AKAP12: variants seen among roughly 807,000 people sequenced by gnomAD.
AKAP12 encodes the protein A-kinase anchoring protein 12.
AKAP12 carries 32 observed loss-of-function variants against 79.9 expected under a neutral mutation model. The observed-to-expected ratio is 0.40, with a 90% confidence interval of 0.30 to 0.54. AKAP12 has a LOEUF of 0.54. Ranked by LOEUF, AKAP12 falls within the 20% of genes least tolerant of loss-of-function variation. The pLI, the probability that AKAP12 is intolerant of heterozygous loss-of-function variation, is 0.48. For missense variants in AKAP12, 2,074 were observed against 2,177.0 expected (o/e 0.95, Z 0.94); for synonymous variants, 808 against 857.0 (o/e 0.94, Z 1.00).
intron 2 of AKAP12, among the ~76,000 whole-genome samples, chr6:151,286,113 G>C (rs138132464): frequency 7.0e-4 from 107 of 152,212 alleles, no homozygotes; most frequent in South Asian, 1.5e-3. Flanking sequence ...CCTGGCCTCA[G>C]GTGATCCACC....
intron 3 of AKAP12, chr6:151,325,228 G>A: frequency 1.0e-6 from 1 of 985,390 alleles, no homozygotes; most frequent in African/African-American, 1.7e-5. Context: ...CAAGAAGGGA[G>A]GTGTTGGCAC....
At chr6:151,281,775 TC>T (rs1776412038) in intron 2 of AKAP12, among the ~76,000 whole-genome samples, 3 of 150,384 alleles carry the variant, frequency 2.0e-5, no homozygotes, top group Non-Finnish European at 3.0e-5. Context: ...AGCCTTGACT[TC>T]CTGGGCTCAG....
intron 3 of AKAP12, among the ~76,000 whole-genome samples, chr6:151,339,949 CAG>C (rs1312644102): frequency 6.6e-6 from 1 of 150,648 alleles, no homozygotes; most frequent in Non-Finnish European, 1.5e-5. Context: ...TTTTTTGAGA[CAG>C]AGTCTCGCTC....
In AKAP12 at chr6:151,300,128, C is replaced by G. The variant is rs527379832; in HGVS notation, c.163-5619C>G. 3.4e-3 allele frequency among the ~76,000 whole-genome samples: 504 copies of G among 150,130 alleles called. 2 individuals carry two copies. The highest frequency in any genetic ancestry group is 0.012 in the African/African-American group (480 of 40,862). ...TTTTTAAAGATTTACTTTCAAAACACTTTCTATTAGAATGAAGGAGAAAAC... is the reference window on the plus strand; with the variant it reads ...TTTTTAAAGATTTACTTTCAAAACAGTTTCTATTAGAATGAAGGAGAAAAC... On this transcript the variant is annotated intron_variant, in intron 2 of 4. Transcript: ENST00000402676.
At chr6:151,254,989 C>T (rs1163283583) in intron 2 of AKAP12, among the ~76,000 whole-genome samples, 2 of 152,140 alleles carry the variant, frequency 1.3e-5, no homozygotes, top group Non-Finnish European at 2.9e-5. Flanking sequence ...CCAGCTTGTT[C>T]TTCGCCCAGA....
intron 3 of AKAP12, among the ~76,000 whole-genome samples, chr6:151,344,752 T>G (rs1778044583): frequency 6.6e-6 from 1 of 152,106 alleles, no homozygotes; most frequent in Non-Finnish European, 1.5e-5. Flanking sequence ...CAGCCTGCTC[T>G]CAAACTCCTG....
At chr6:151,301,535 GA>G (rs1776863048) in intron 2 of AKAP12, among the ~76,000 whole-genome samples, 2 of 152,020 alleles carry the variant, frequency 1.3e-5, no homozygotes, top group Admixed American at 1.3e-4. Context: ...GGGGATGGAA[GA>G]AAAAACAAAA....
At chr6:151,345,515 C>A (rs1778068356) in intron 3 of AKAP12, among the ~76,000 whole-genome samples, 1 of 151,540 alleles carries the variant, frequency 6.6e-6, no homozygotes, top group Middle Eastern at 3.4e-3. Flanking sequence ...AAATTAGAGG[C>A]TGGGGGCAGT....
At chr6:151,326,009 T>C (rs1777514626) in intron 3 of AKAP12, 2 of 1,313,326 alleles carry the variant, frequency 1.5e-6, no homozygotes, top group African/African-American at 1.5e-5. Flanking sequence ...GGGACCGTTA[T>C]TGGCATTTAT....
chr6:151,254,426 A>G (rs369013771), intron 2 of AKAP12, among the ~76,000 whole-genome samples: 5 of 151,586 alleles, frequency 3.3e-5, no homozygotes, highest in African/African-American at 1.2e-4. Flanking sequence ...ATCTCTGCTT[A>G]CTGCAACCTC....
At chr6:151,245,061 T>G (rs926672635) in intron 2 of AKAP12, among the ~76,000 whole-genome samples, 2 of 152,212 alleles carry the variant, frequency 1.3e-5, no homozygotes, top group African/African-American at 4.8e-5. Flanking sequence ...GTTTGGATCT[T>G]GTAAGATAAT....
At chr6:151,282,867 G>A (rs1000974160) in intron 2 of AKAP12, among the ~76,000 whole-genome samples, 2 of 152,210 alleles carry the variant, frequency 1.3e-5, no homozygotes, top group African/African-American at 2.4e-5. Flanking sequence ...TATGTATAAA[G>A]TGCTAGATTT....
intron 2 of AKAP12, among the ~76,000 whole-genome samples, chr6:151,259,108 A>C (rs199776314): frequency 6.7e-6 from 1 of 150,246 alleles, no homozygotes; most frequent in Non-Finnish European, 1.5e-5. Flanking sequence ...GCAGTGGCAC[A>C]ATCTTGGCTC....
intron 2 of AKAP12, among the ~76,000 whole-genome samples, chr6:151,272,338 C>G (rs1776199406): frequency 8.0e-6 from 1 of 125,384 alleles, no homozygotes; most frequent in African/African-American, 3.2e-5. Context: ...CAGTGAGACC[C>G]TGTTTCAAAA....
At chr6:151,322,166 C>T (rs1262613979) in intron 3 of AKAP12, among the ~76,000 whole-genome samples, 1 of 152,022 alleles carries the variant, frequency 6.6e-6, no homozygotes, top group Non-Finnish European at 1.5e-5. Context: ...CCTCAGCCTC[C>T]CAAAGTGCTG....
At chr6:151,272,353 A>C (rs1776200946) in intron 2 of AKAP12, among the ~76,000 whole-genome samples, 2 of 151,254 alleles carry the variant, frequency 1.3e-5, no homozygotes, top group Non-Finnish European at 2.9e-5. Context: ...TCAAAAAAAA[A>C]AAAAAACAAA....
chr6:151,307,753 C>T (rs188760113), intron 3 of AKAP12, among the ~76,000 whole-genome samples: 33 of 152,336 alleles, frequency 2.2e-4, no homozygotes, highest in Admixed American at 1.4e-3. Flanking sequence ...GATTCAGTCC[C>T]TCCCCTGTGA....
At chr6:151,318,904 C>T (rs1562736183) in intron 3 of AKAP12, among the ~76,000 whole-genome samples, 1 of 152,178 alleles carries the variant, frequency 6.6e-6, no homozygotes, top group African/African-American at 2.4e-5. Context: ...ACCATTTACA[C>T]TGTAGCCTGG....
intron 2 of AKAP12, among the ~76,000 whole-genome samples, chr6:151,251,772 A>G (rs1218736615): frequency 1.3e-5 from 2 of 152,210 alleles, no homozygotes; most frequent in Non-Finnish European, 2.9e-5. Flanking sequence ...CGAGGCGGGC[A>G]GATCCCCTGA....
Sources: allele counts gnomAD v4.1 joint callset (sites outside exome capture counted in the v4.1 genomes callset), GRCh38; gene constraint gnomAD v4.1.1; transcripts MANE v1.5; gene names NCBI Gene and HGNC (gene_info 2026-07-23, HGNC 2026-07-21).